The following POLQ variants were observed in gnomAD, a reference collection of about 807,000 sequenced individuals.
The protein encoded by POLQ is epididymis secretory sperm binding protein.
In POLQ, 233 loss-of-function variants were observed where a neutral mutation model predicts 259.2. The observed-to-expected ratio is 0.90, with a 90% CI of 0.81 to 1.00. POLQ has a LOEUF of 1.00. Ranked by LOEUF, POLQ falls within the 50% of genes least tolerant of loss-of-function variation. The pLI, the probability that POLQ is intolerant of heterozygous loss-of-function variation, is 0.00. For synonymous variants in POLQ, 1,025 were observed against 1,048.8 expected, an observed-to-expected ratio of 0.98 and a Z score of 0.44; for missense variants, 2,871 against 3,051.6, an observed-to-expected ratio of 0.94 and a Z score of 1.39.
At chr3:121,544,548 A>G (rs2048514860) in intron 2 of POLQ, among the ~76,000 whole-genome samples, 179 bp downstream of exon 2, 1 of 151,960 alleles carries the variant, frequency 6.6e-6, no homozygotes, top group East Asian at 1.9e-4. Context: ...CCAGTCAAAC[A>G]ATAAAACTTT....
chr3:121,496,717 T>C (rs2048127144), intron 14 of POLQ, 91 bp downstream of exon 14: 2 of 1,334,600 alleles, frequency 1.5e-6, no homozygotes, highest in Admixed American at 4.5e-5. Context: ...TAAAGAAGCC[T>C]ACAATAAAAT....
chr3:121,487,384 T>C lies in POLQ; in HGVS notation c.5547A>G (p.Arg1849=). The C allele has an allele frequency of 6.2e-7, 1 of 1,614,016 alleles. No homozygotes were observed. The highest frequency in any genetic ancestry group is 1.1e-5 in the South Asian group (1 of 91,060). ...TTTCACAAGCCAGTGAGATGGAAAA[T>C]CGCTTTTTGCACCGCCACTCCTTAA... ...TFIKEWRCKK[R]FSISLACEKI... The change falls in exon 16 of 30, where the codon CGA becomes CGG. Residue 1849 remains arginine (R), a synonymous_variant. Transcript: ENST00000264233.
chr3:121,465,158 C>G (rs987152007), intron 24 of POLQ, among the ~76,000 whole-genome samples: 1 of 150,898 alleles, frequency 6.6e-6, no homozygotes, highest in African/African-American at 2.4e-5. Context: ...ATGATCATGG[C>G]TCACTGCAGC....
At chr3:121,439,558 C>T (rs1289420851) in intron 27 of POLQ, among the ~76,000 whole-genome samples, 1 of 152,064 alleles carries the variant, frequency 6.6e-6, no homozygotes, top group African/African-American at 2.4e-5. Flanking sequence ...AATAAGCAAA[C>T]AAGTAGAATG....
At chr3:121,468,942 G>A (rs961991856) in intron 22 of POLQ, among the ~76,000 whole-genome samples, 1 of 152,100 alleles carries the variant, frequency 6.6e-6, no homozygotes, top group Non-Finnish European at 1.5e-5. Context: ...GTGGTTAATA[G>A]TAAATTTTCC....
intron 25 of POLQ, among the ~76,000 whole-genome samples, chr3:121,450,651 G>C (rs1403292164): frequency 1.3e-5 from 2 of 152,066 alleles, no homozygotes; most frequent in African/African-American, 4.8e-5. Context: ...TTTCTGCAGA[G>C]AGAACTGGTG....
intron 7 of POLQ, among the ~76,000 whole-genome samples, chr3:121,526,406 A>G (rs1016422089): frequency 1.6e-4 from 24 of 152,134 alleles, no homozygotes; most frequent in Admixed American, 1.3e-3. Flanking sequence ...CATAAACCCA[A>G]CTGCATTTGC....
intron 25 of POLQ, among the ~76,000 whole-genome samples, chr3:121,459,482 C>T (rs900533933): frequency 2.7e-5 from 4 of 149,590 alleles, no homozygotes; most frequent in East Asian, 2.0e-4. Context: ...CCTGGGTTCA[C>T]GCCATTCTCC....
At chr3:121,481,947 C>T in intron 18 of POLQ, 135 bp from the exon 19 acceptor site, 1 of 792,748 alleles carries the variant, frequency 1.3e-6, no homozygotes. Flanking sequence ...CAGTGGTCTT[C>T]CCAGGAAAGA....
chr3:121,442,096 G>C (rs1422451358), intron 26 of POLQ, among the ~76,000 whole-genome samples: 4 of 152,056 alleles, frequency 2.6e-5, no homozygotes, highest in Non-Finnish European at 4.4e-5. Flanking sequence ...TCCTTTGTTC[G>C]ATGGAACTAC....
In POLQ at chr3:121,487,452, T is replaced by C. The variant is rs1471381629; in HGVS notation, c.5479A>G (p.Ile1827Val). The C allele has an allele frequency of 2.5e-6, 4 of 1,614,082 alleles. No homozygotes were observed. Among genetic ancestry groups the C allele is most frequent in the Admixed American group, 1.7e-5 (1 of 60,008 alleles). ...TTTTGGTCACTTGCTACATCAATTA[T>C]GGACAAACTTTCTGAACTGCTTGAG... ...PASSSSESLS[I>V]IDVASDQNLF... Residue 1827 changes from isoleucine (I) to valine (V), a missense_variant, in exon 16 of 30, where the codon ATA (isoleucine) becomes GTA (valine). By Grantham distance (29) the Ile-to-Val change is conservative (BLOSUM62 3). Transcript: ENST00000264233.
At chr3:121,459,739 G>A (rs189661786) in intron 25 of POLQ, among the ~76,000 whole-genome samples, 9 of 152,152 alleles carry the variant, frequency 5.9e-5, no homozygotes, top group Non-Finnish European at 1.0e-4. Context: ...ACGAACACAC[G>A]CACTCTGACC....
rs773185649 is a variant in POLQ, at chr3:121,490,364, C to A, written c.2567G>T (p.Arg856Leu). ...CACCCAGATAGTTCGCATATTGCGA[C>A]GTTCTTCAACTGCTTCCTCTTCCTC... is the stretch of plus-strand genomic sequence containing the variant. ...VDEEEEAVEE[R>L]RNMRTIWVTG... Residue 856 changes from arginine (R) to leucine (L), a missense_variant, in exon 16 of 30, where the codon CGT (arginine) becomes CTT (leucine). Physicochemically the swap from Arg to Leu is moderately radical, Grantham distance 102. Around this residue, in one of 3 missense-constraint regions of POLQ, gnomAD observed 2,080 missense variants for 2,126.0 expected, o/e 0.98. Transcript: ENST00000264233. 2 of 1,614,252 alleles carry A rather than the reference C, an allele frequency of 1.2e-6. No individual in the cohort carries two copies. Among genetic ancestry groups the A allele is most frequent in the Non-Finnish European group, 1.7e-6 (2 of 1,180,046 alleles).
At chr3:121,434,621 T>A (rs2047528153) in intron 28 of POLQ, among the ~76,000 whole-genome samples, 1 of 152,236 alleles carries the variant, frequency 6.6e-6, no homozygotes, top group South Asian at 2.1e-4. Flanking sequence ...GGGGGACTGA[T>A]GACAATATTA....
chr3:121,453,989 G>A (rs2047706044), intron 25 of POLQ, among the ~76,000 whole-genome samples: 3 of 152,176 alleles, frequency 2.0e-5, no homozygotes, highest in Non-Finnish European at 2.9e-5. Context: ...GACAAAGGTC[G>A]GGTTACCCAC....
intron 20 of POLQ, among the ~76,000 whole-genome samples, chr3:121,474,324 G>A (rs138946962): frequency 1.5e-3 from 226 of 152,280 alleles, no homozygotes; most frequent in Middle Eastern, 6.8e-3. Flanking sequence ...CCAATACAAT[G>A]TGGCAATAAT....
intron 13 of POLQ, 73 bp downstream of exon 13, chr3:121,498,404 C>T: frequency 5.8e-6 from 6 of 1,026,704 alleles, no homozygotes; most frequent in Non-Finnish European, 8.5e-6. Context: ...AAAGTGACTA[C>T]AATAAACTGG....
rs575611800 is a variant in POLQ at position 121,434,982 on chromosome 3, C to A, written c.7543+1140G>T. Among the ~76,000 whole-genome samples, 5 of 152,196 alleles carry A rather than the reference C, an allele frequency of 3.3e-5. No individual in the cohort carries two copies. In the East Asian group the frequency reaches 7.7e-4, roughly 24 times the overall value. On this transcript the variant is annotated intron_variant, in intron 28 of 29. Transcript: ENST00000264233. ...GAAGAGCCTGGACAACATGGTGAAA[C>A]CCCCTCTCTACTAAAAAAAAAATTT...
intron 27 of POLQ, among the ~76,000 whole-genome samples, chr3:121,439,426 T>TC (rs2047570707): frequency 6.6e-6 from 1 of 152,076 alleles, no homozygotes; most frequent in African/African-American, 2.4e-5. Context: ...ATATAGGTGA[T>TC]CTCACTATGT....
Sources: gnomAD v4.1 joint callset for allele counts (sites outside exome capture counted in the v4.1 genomes callset) on GRCh38, gnomAD v4.1.1 for gene constraint, gnomAD v4.1.1 regional missense constraint, MANE v1.5 for transcripts, NCBI Gene and HGNC (gene_info 2026-07-23, HGNC 2026-07-21) for gene names.